Variants in SNX20 observed in about 807,000 individuals in gnomAD.
SNX20 encodes the protein sorting nexin-20.
In SNX20, 21 loss-of-function variants were observed where a neutral mutation model predicts 24.5. The observed-to-expected ratio is 0.86, with a 90% CI of 0.61 to 1.23. The LOEUF (loss-of-function observed/expected upper bound fraction) is 1.23. Among genes scored for constraint, SNX20 ranks in the 50% most tolerant of loss-of-function variants. The probability of loss-of-function intolerance (pLI) is 0.00; values close to 1 mark genes in which losing one functional copy is unlikely to be tolerated. For missense variants in SNX20, 433 were observed against 430.8 expected (o/e 1.00, Z -0.04); for synonymous variants, 206 against 192.8 (o/e 1.07, Z -0.57).
chr16:50,666,542 A>G (rs1476353488), exon 4 of SNX20: 2 of 152,256 alleles, frequency 1.3e-5, no homozygotes, highest in Non-Finnish European at 2.9e-5. Context: ...TTAGAATACA[A>G]TGAAACCATT....
At chr16:50,668,156 A>C, downstream of SNX20, 1 of 1,543,718 alleles carries the variant, frequency 6.5e-7, no homozygotes. Context: ...ACCAGGGAGC[A>C]AAGTCTCCAG....
downstream of SNX20, chr16:50,668,240 G>T (rs1052975854): frequency 6.3e-6 from 9 of 1,431,856 alleles, no homozygotes; most frequent in Non-Finnish European, 8.2e-6. Context: ...TACGTGGTGA[G>T]AAACTTACCT....
chr16:50,674,241 ATTTATTTAT>A lies in SNX20; in HGVS notation c.283-176_283-168del, dbSNP rs1746783873. ...TGTTTGTTTGTTTGTTTATTTATTT[ATTTATTTAT>A]TTATTTATTTATTTTTAGAGACAGG... is the stretch of plus-strand genomic sequence containing the variant. On this transcript the variant is annotated intron_variant, in intron 3 of 3. Transcript: ENST00000330943. Among the ~76,000 whole-genome samples, 5 of 146,304 alleles carry A rather than the reference ATTTATTTAT, an allele frequency of 3.4e-5. No individual in the cohort carries two copies. In the South Asian group the frequency reaches 1.0e-3, roughly 31 times the overall value.
downstream of SNX20, chr16:50,671,293 G>C (rs113637693): frequency 7.9e-5 from 12 of 152,016 alleles, no homozygotes; most frequent in Non-Finnish European, 1.6e-4. Flanking sequence ...TGATTTCTCT[G>C]CTTGAGGGAT....
downstream of SNX20, chr16:50,668,652 G>A: frequency 9.7e-7 from 1 of 1,029,054 alleles, no homozygotes; most frequent in Non-Finnish European, 1.2e-6. Context: ...GGAAATTCTG[G>A]GAAGGCAGCT....
downstream of SNX20, chr16:50,670,263 A>G (rs1467084264): frequency 2.6e-5 from 4 of 152,266 alleles, no homozygotes; most frequent in Non-Finnish European, 5.9e-5. Context: ...GCCCAGTTCC[A>G]TGGATGATTT....
chr16:50,680,875 G>A (rs891625239), intron 1 of SNX20, among the ~76,000 whole-genome samples: 10 of 152,202 alleles, frequency 6.6e-5, no homozygotes, highest in African/African-American at 2.4e-4. Context: ...TTTTCCATGA[G>A]TCCTCTAAGG....
chr16:50,673,722 A>G lies in SNX20; in HGVS notation c.635T>C (p.Leu212Pro). ...PRALELLLRV[L>P]PLQEKLTAHC... ...GGCGGTGAGCTTCTCCTGCAGCGGCAGCACGCGCAGCAGCAGCTCCAGGGC... is the reference window on the plus strand; with the variant it reads ...GGCGGTGAGCTTCTCCTGCAGCGGCGGCACGCGCAGCAGCAGCTCCAGGGC... The change falls in exon 4 of 4, where the codon CTG (leucine) becomes CCG (proline). Residue 212 changes from leucine (L) to proline (P), a missense_variant. Coordinates refer to ENST00000330943, the MANE Select transcript of SNX20 (RefSeq NM_182854.4). The surrounding 1 kb of genome is among the most constrained non-coding windows in gnomAD (Gnocchi z 4.1). 6.7e-7 allele frequency: 1 copy of G among 1,498,498 alleles called. No individual in the cohort carries two copies. The highest frequency in any genetic ancestry group is 8.8e-7 in the Non-Finnish European group (1 of 1,132,286). 92.8% of individuals were successfully genotyped at this position (1,498,498 alleles called of 1,614,324 possible).
chr16:50,673,409 G>T lies in SNX20; in HGVS notation c.948C>A (p.His316Gln), dbSNP rs1432520326. 1 of 1,537,854 alleles carries T rather than the reference G, an allele frequency of 6.5e-7. No individual in the cohort carries two copies. Among genetic ancestry groups the T allele is most frequent in the African/African-American group, 1.4e-5 (1 of 70,664 alleles). The change falls in exon 4 of 4, where the codon CAC becomes CAA. Residue 316 changes from histidine to glutamine, a missense_variant. Physicochemically the swap from His to Gln is conservative, Grantham distance 24 (BLOSUM62 0). Coordinates refer to ENST00000330943, the MANE Select transcript of SNX20 (RefSeq NM_182854.4). This position sits in a 1 kb window ranked among gnomAD's most constrained non-coding sequence, Gnocchi z 4.1. ...LKELTVREYL[H>Q] is the part of the protein sequence containing the mutation. ...CCCTGCGGGGTCCCAGGCCGGCTCA[G>T]TGCAGGTATTCTCGCACAGTGAGCT...
chr16:50,668,032 G>A (rs943472884), downstream of SNX20: 9 of 1,551,718 alleles, frequency 5.8e-6, no homozygotes, highest in South Asian at 1.2e-5. Context: ...GTGGCGTCAG[G>A]AGCCGGAGCC....
At chr16:50,674,183 C>A in intron 3 of SNX20, 109 bp from the exon 4 acceptor site, 1 of 1,360,710 alleles carries the variant, frequency 7.3e-7, no homozygotes. Context: ...GCCCTGAAAA[C>A]GGGCGATCCT....
intron 1 of SNX20, among the ~76,000 whole-genome samples, chr16:50,679,787 G>A (rs1488424460): frequency 6.6e-6 from 1 of 152,182 alleles, no homozygotes; most frequent in Non-Finnish European, 1.5e-5. Flanking sequence ...TGAGACAGTG[G>A]ATGGTTTACG....
At chr16:50,677,142 G>A (rs866322303) in intron 2 of SNX20, among the ~76,000 whole-genome samples, 17 of 152,286 alleles carry the variant, frequency 1.1e-4, no homozygotes, top group Middle Eastern at 3.4e-3. Flanking sequence ...GCCACCTACC[G>A]TGCCTATCTG....
rs188931006 is a variant in SNX20, at chr16:50,677,102, C to T, written c.130+295G>A. On this transcript the variant is annotated intron_variant, in intron 2 of 3. Coordinates refer to ENST00000330943, the MANE Select transcript of SNX20 (RefSeq NM_182854.4). The stretch of plus-strand genomic sequence containing the variant: ...ACCCAGAGATATGTTCCAGGGTCTC[C>T]CAGAAGACCCCCGCTGGGGTTGAGC... Among the ~76,000 whole-genome samples, 295 of 152,300 alleles carry T rather than the reference C, an allele frequency of 1.9e-3. 1 individual carries two copies. Among genetic ancestry groups the T allele is most frequent in the Non-Finnish European group, 3.5e-3 (237 of 68,016 alleles).
intron 2 of SNX20, among the ~76,000 whole-genome samples, chr16:50,676,905 T>C (rs958899963): frequency 2.0e-5 from 3 of 152,232 alleles, no homozygotes. Flanking sequence ...GCAGATGCTG[T>C]CCATGCCCCA....
chr16:50,667,840 G>A (rs2150757412), downstream of SNX20: 1 of 663,026 alleles, frequency 1.5e-6, no homozygotes, highest in South Asian at 1.8e-5. Flanking sequence ...AGGGGGCCGA[G>A]CCTGGGAGCT....
Position 50,677,464 on chromosome 16 carries a change from T to G in SNX20, c.63A>C (p.Ala21=). 1 of 1,610,212 alleles carries G rather than the reference T, an allele frequency of 6.2e-7. No individual in the cohort carries two copies. Among genetic ancestry groups the G allele is most frequent in the Non-Finnish European group, 8.5e-7 (1 of 1,178,150 alleles). Reference sequence around the variant, plus strand: ...TGGCTGGTGCTTCCTGCTGGGTCCTTGCCGTGCACTGGGTTATGGGTCCCA... The same window carrying G: ...TGGCTGGTGCTTCCTGCTGGGTCCTGGCCGTGCACTGGGTTATGGGTCCCA... ...GCMGPITQCT[A]RTQQEAPATG... is the part of the protein sequence containing the mutation. The change falls in exon 2 of 4, where the codon GCA becomes GCC. Residue 21 remains alanine, a synonymous_variant. Transcript: ENST00000330943.
downstream of SNX20, chr16:50,671,516 A>G (rs1174664928): frequency 6.6e-6 from 1 of 152,222 alleles, no homozygotes; most frequent in Non-Finnish European, 1.5e-5. Context: ...GTGCTGGAAT[A>G]TCCCATTAAA....
intron 1 of SNX20, 145 bp from the exon 2 acceptor site, chr16:50,677,680 C>G (rs1164395437): frequency 1.1e-6 from 1 of 908,082 alleles, no homozygotes; most frequent in Non-Finnish European, 1.5e-6. Context: ...CCCCACTCTC[C>G]CAGCTGCCAG....
Sources: gnomAD v4.1 joint callset for allele counts (sites outside exome capture counted in the v4.1 genomes callset) on GRCh38, gnomAD v4.1.1 for gene constraint, Gnocchi (gnomAD v3.1) non-coding constraint, MANE v1.5 for transcripts, NCBI Gene and HGNC (gene_info 2026-07-23, HGNC 2026-07-21) for gene names.